The following ZNF215 variants were observed in gnomAD, a reference collection of about 807,000 sequenced individuals.
The protein encoded by ZNF215 is BWSCR2-associated zinc finger protein 2.
A neutral mutation model predicts 27.2 loss-of-function variants in ZNF215; 24 were observed. That is an observed-to-expected ratio of 0.88 (90% CI 0.64 to 1.24). ZNF215 has a LOEUF of 1.24. Ranked by LOEUF, ZNF215 falls within the 50% of genes most tolerant of loss-of-function variation. The probability of loss-of-function intolerance (pLI) is 0.00; values close to 1 mark genes in which losing one functional copy is unlikely to be tolerated. For missense variants in ZNF215, 675 were observed against 605.7 expected, an observed-to-expected ratio of 1.11 and a Z score of -1.20; for synonymous variants, 210 against 204.0, an observed-to-expected ratio of 1.03 and a Z score of -0.25.
chr11:6,936,673 C>G (rs1277730312), intron 3 of ZNF215, among the ~76,000 whole-genome samples: 1 of 151,934 alleles, frequency 6.6e-6, no homozygotes, highest in Non-Finnish European at 1.5e-5. Flanking sequence ...AAAGACATCA[C>G]AACAAAAGAA....
chr11:6,984,711 A>G (rs1389856643), downstream of ZNF215: 1 of 152,194 alleles, frequency 6.6e-6, no homozygotes, highest in East Asian at 1.9e-4. Context: ...TAGTTTGAAA[A>G]CTAAGATATA....
In ZNF215 at chr11:6,957,192, A is replaced by T; in HGVS notation, c.*661A>T. The stretch of plus-strand genomic sequence containing the variant: ...ATTTGTTTATAGCAGGTCCTTGAAA[A>T]ATGTTTTTGTTTTGTTATAATGTTA... On this transcript the variant is annotated 3_prime_UTR_variant, in exon 7 of 7. Transcript: ENST00000278319. 1.0e-6 allele frequency: 1 copy of T among 985,106 alleles called. No individual in the cohort carries two copies. The highest frequency in any genetic ancestry group is 1.2e-6 in the Non-Finnish European group (1 of 829,656). 61.0% of individuals were successfully genotyped at this position (985,106 alleles called of 1,614,324 possible).
At chr11:6,950,624 G>T (rs1293579909) in intron 6 of ZNF215, among the ~76,000 whole-genome samples, 6 of 151,248 alleles carry the variant, frequency 4.0e-5, no homozygotes, top group African/African-American at 1.5e-4. Flanking sequence ...AGCTTAAGGA[G>T]ATTTTGGGCT....
In ZNF215 at chr11:6,932,518, T is replaced by C; in HGVS notation, c.246T>C (p.His82=). 6.2e-7 allele frequency: 1 copy of C among 1,614,156 alleles called. No homozygotes were observed. Among genetic ancestry groups the C allele is most frequent in the Non-Finnish European group, 8.5e-7 (1 of 1,180,024 alleles). Residue 82 remains histidine, a synonymous_variant, in exon 3 of 7, where the codon CAT becomes CAC. Coordinates refer to ENST00000278319, the MANE Select transcript of ZNF215 (RefSeq NM_013250.4). ...LCLQWLRPEI[H]TKKQIIELLV... is the part of the protein sequence containing the mutation. ...TTCAATGGCTGAGACCAGAGATTCATACAAAGAAGCAGATTATAGAACTGT... is the reference window on the plus strand; with the variant it reads ...TTCAATGGCTGAGACCAGAGATTCACACAAAGAAGCAGATTATAGAACTGT...
downstream of ZNF215, among the ~76,000 whole-genome samples, chr11:6,958,787 G>A (rs1290558188): frequency 1.3e-5 from 2 of 152,154 alleles, no homozygotes; most frequent in Non-Finnish European, 2.9e-5. Context: ...TTCAGTCTGT[G>A]GTTGAAGGTC....
At chr11:6,975,104 C>G (rs2638109) in intron 5 of ZNF215, among the ~76,000 whole-genome samples, 149,986 of 151,904 alleles carry the variant, frequency 0.99, 74,065 homozygotes, top group Middle Eastern at 1. Context: ...TAGCATGAAG[C>G]GCTGTTGAAT....
intron 5 of ZNF215, among the ~76,000 whole-genome samples, chr11:6,975,157 G>T (rs1269718968): frequency 6.6e-6 from 1 of 151,970 alleles, no homozygotes; most frequent in Admixed American, 6.6e-5. Flanking sequence ...TAATCATGTG[G>T]TTTTTTGTCT....
Position 6,943,138 on chromosome 11 carries a change from A to T in ZNF215, c.539A>T (p.Gln180Leu), listed in dbSNP as rs777743833. 3.1e-6 allele frequency: 5 copies of T among 1,614,122 alleles called. No individual in the cohort carries two copies. The East Asian group carries it at 1.1e-4, about 36-fold the overall frequency. ...VVEFSKEEWG[Q>L]LDSAVKNLYR... The stretch of plus-strand genomic sequence containing the variant: ...GAATTCAGCAAGGAAGAGTGGGGGC[A>T]ACTGGACTCTGCTGTAAAGAACCTG... Residue 180 changes from glutamine (Q) to leucine (L), a missense_variant, in exon 5 of 7, where the codon CAA (glutamine) becomes CTA (leucine). By Grantham distance (113) the Gln-to-Leu change is moderately radical (BLOSUM62 -2). Coordinates refer to ENST00000278319, the MANE Select transcript of ZNF215 (RefSeq NM_013250.4).
intron 6 of ZNF215, among the ~76,000 whole-genome samples, chr11:6,954,914 G>T (rs908171830): frequency 1.3e-5 from 2 of 152,140 alleles, no homozygotes. Flanking sequence ...AAAATTGCTA[G>T]AATATAGAGT....
chr11:6,943,662 A>G, intron 6 of ZNF215, 21 bp downstream of exon 6: 1 of 1,551,670 alleles, frequency 6.4e-7, no homozygotes, highest in African/African-American at 1.4e-5. Context: ...GGTAGATATG[A>G]GGCCATAGTA....
At chr11:6,947,447 T>C (rs2133246046) in intron 6 of ZNF215, among the ~76,000 whole-genome samples, 1 of 152,158 alleles carries the variant, frequency 6.6e-6, no homozygotes, top group East Asian at 1.9e-4. Flanking sequence ...CGTAGCTGCT[T>C]GGAGGATTGC....
chr11:6,947,078 T>C (rs1174545334), intron 6 of ZNF215, among the ~76,000 whole-genome samples: 2 of 152,204 alleles, frequency 1.3e-5, no homozygotes, highest in African/African-American at 4.8e-5. Context: ...TTTTTTAAAA[T>C]TTATGTAACT....
At chr11:6,961,737 C>T (rs188995114), downstream of ZNF215, among the ~76,000 whole-genome samples, 2 of 152,164 alleles carry the variant, frequency 1.3e-5, no homozygotes, top group East Asian at 3.9e-4. Context: ...ATGTTCATTC[C>T]CTAGGGTGAC....
chr11:6,964,096 T>C (rs762436617), intron 5 of ZNF215, among the ~76,000 whole-genome samples: 1 of 152,048 alleles, frequency 6.6e-6, no homozygotes, highest in Non-Finnish European at 1.5e-5. Flanking sequence ...ATGGGCTTAT[T>C]TGTCATATAT....
At chr11:6,927,223 G>A (rs1849084512) in intron 1 of ZNF215, among the ~76,000 whole-genome samples, 2 of 152,158 alleles carry the variant, frequency 1.3e-5, no homozygotes, top group South Asian at 2.1e-4. Context: ...GTCATTCCTG[G>A]CCACCTCCCT....
chr11:6,936,533 G>C (rs1296830221), intron 3 of ZNF215, among the ~76,000 whole-genome samples: 1 of 151,982 alleles, frequency 6.6e-6, no homozygotes, highest in African/African-American at 2.4e-5. Flanking sequence ...AGATGATATG[G>C]CTTCACTGGT....
At chr11:6,982,723 C>A (rs1396637360) in intron 5 of ZNF215, among the ~76,000 whole-genome samples, 2 of 151,232 alleles carry the variant, frequency 1.3e-5, no homozygotes, top group South Asian at 4.2e-4. Flanking sequence ...AACAAAGACA[C>A]AACATACCAG....
At chr11:6,953,608 G>T (rs1046171212) in intron 6 of ZNF215, among the ~76,000 whole-genome samples, 9 of 152,126 alleles carry the variant, frequency 5.9e-5, no homozygotes, top group African/African-American at 1.7e-4. Context: ...GCACTTCTCT[G>T]TATTGGTTAT....
Position 6,943,160 on chromosome 11 carries a change from C to T in ZNF215, c.561C>T (p.Asn187=), listed in dbSNP as rs1212033110. The T allele has an allele frequency of 1.9e-6, 3 of 1,613,902 alleles. No homozygotes were observed. The highest frequency in any genetic ancestry group is 2.7e-5 in the African/African-American group (2 of 74,922). The change falls in exon 5 of 7, where the codon AAC becomes AAT. Residue 187 remains asparagine (N), a synonymous_variant. Transcript: ENST00000278319. The stretch of plus-strand genomic sequence containing the variant: ...GGCAACTGGACTCTGCTGTAAAGAA[C>T]CTGTACAGGAATGTGATGCTGGAAA... ...EWGQLDSAVK[N]LYRNVMLENF...
Sources: allele counts gnomAD v4.1 joint callset (sites outside exome capture counted in the v4.1 genomes callset), GRCh38; gene constraint gnomAD v4.1.1; transcripts MANE v1.5; gene names NCBI Gene and HGNC (gene_info 2026-07-23, HGNC 2026-07-21).